The following LMCD1 variants were observed in gnomAD, a reference collection of about 807,000 sequenced individuals.
LMCD1 encodes LIM and cysteine-rich domains protein 1.
LMCD1 carries 32 observed loss-of-function variants against 42.7 expected under a neutral mutation model. That is an observed-to-expected ratio of 0.75 (90% CI 0.57 to 1.01). The LOEUF is 1.01. LMCD1 is among the 50% of genes least tolerant of loss of function. The pLI, the probability that LMCD1 is intolerant of heterozygous loss-of-function variation, is 0.00. For synonymous variants in LMCD1, 178 were observed against 184.9 expected (o/e 0.96, Z 0.30); for missense variants, 458 against 483.1 (o/e 0.95, Z 0.49).
intron 1 of LMCD1, chr3:8,515,047 A>T (rs1335260070): frequency 2.2e-6 from 1 of 456,752 alleles, no homozygotes; most frequent in East Asian, 6.9e-5. Flanking sequence ...AGTATTTGAT[A>T]AACAGTTGGA....
chr3:8,549,344 A>T (rs1694798298), intron 4 of LMCD1, among the ~76,000 whole-genome samples: 1 of 152,182 alleles, frequency 6.6e-6, no homozygotes, highest in Non-Finnish European at 1.5e-5. Context: ...TAGAAGATTA[A>T]AAGAAGTCCC....
intron 4 of LMCD1, among the ~76,000 whole-genome samples, chr3:8,557,338 A>G (rs1189399892): frequency 2.6e-5 from 4 of 152,210 alleles, no homozygotes; most frequent in Non-Finnish European, 5.9e-5. Flanking sequence ...TTATAAACAA[A>G]TTGTTGAGTA....
At position 8,574,579 on chromosome 3, in the gene LMCD1, C is replaced by G. The variant is rs1352476170; in HGVS notation, c.*6981C>G. The stretch of plus-strand genomic sequence containing the variant: ...TCATCTTGAAGTAATTATAATGCCA[C>G]TAAAATTCTCATTTGTATTAATTTT... On this transcript the variant is annotated 3_prime_UTR_variant, in exon 6 of 6. Transcript: ENST00000157600. 6.6e-6 allele frequency: 1 copy of G among 152,134 alleles called. No individual in the cohort carries two copies. The highest frequency in any genetic ancestry group is 1.5e-5 in the Non-Finnish European group (1 of 68,044). 9.4% of individuals were successfully genotyped at this position (152,134 alleles called of 1,614,324 possible).
chr3:8,511,299 T>C (rs1222358128), intron 1 of LMCD1, among the ~76,000 whole-genome samples: 2 of 152,230 alleles, frequency 1.3e-5, no homozygotes, highest in Non-Finnish European at 2.9e-5. Context: ...TCACCTTTGA[T>C]TTGGCCAACT....
intron 4 of LMCD1, among the ~76,000 whole-genome samples, chr3:8,555,914 G>A (rs1694927133): frequency 6.6e-6 from 1 of 152,036 alleles, no homozygotes; most frequent in Non-Finnish European, 1.5e-5. Context: ...AGATGACCCT[G>A]GCTGTGTTCC....
chr3:8,502,602 ACACACG>A (rs1312914605), intron 1 of LMCD1, among the ~76,000 whole-genome samples: 19 of 125,736 alleles, frequency 1.5e-4, no homozygotes, highest in South Asian at 1.2e-3. Flanking sequence ...ACACACACAC[ACACACG>A]CACGCAGTTT....
At chr3:8,511,806 A>G (rs780660411) in intron 1 of LMCD1, among the ~76,000 whole-genome samples, 4 of 152,092 alleles carry the variant, frequency 2.6e-5, no homozygotes, top group Non-Finnish European at 5.9e-5. Context: ...AGCAAAACCC[A>G]CTGGGGTGGC....
At chr3:8,541,342 GA>G (rs777238689) in intron 3 of LMCD1, among the ~76,000 whole-genome samples, 9 of 152,112 alleles carry the variant, frequency 5.9e-5, no homozygotes, top group Admixed American at 1.3e-4. Flanking sequence ...CTGAGGTCAG[GA>G]GTTTGAGACC....
intron 1 of LMCD1, among the ~76,000 whole-genome samples, chr3:8,520,795 A>T (rs1037778253): frequency 6.6e-6 from 1 of 152,204 alleles, no homozygotes; most frequent in Non-Finnish European, 1.5e-5. Flanking sequence ...AATTAAAACA[A>T]TGCCCACCCT....
At chr3:8,516,247 AC>A (rs2125013831) in intron 1 of LMCD1, among the ~76,000 whole-genome samples, 1 of 152,270 alleles carries the variant, frequency 6.6e-6, no homozygotes, top group East Asian at 1.9e-4. Context: ...GGATCACGGA[AC>A]AACAGCAGCT....
rs904617284 is a variant in LMCD1, at chr3:8,565,579, G to A, written c.871G>A (p.Asp291Asn). 2 of 1,613,562 alleles carry A rather than the reference G, an allele frequency of 1.2e-6. No homozygotes were observed. The highest frequency in any genetic ancestry group is 2.2e-5 in the East Asian group (1 of 44,858). The stretch of plus-strand genomic sequence containing the variant: ...GGTGGACCTCATCTACTTCTGGAAG[G>A]ATGGTGCACCCTGGTGCGGCCGCCA... The part of the protein sequence containing the change: ...PLVDLIYFWK[D>N]GAPWCGRHYC... The change falls in exon 5 of 6, where the codon GAT (aspartate) becomes AAT (asparagine). Residue 291 changes from aspartate to asparagine, a missense_variant. By Grantham distance (23) the Asp-to-Asn change is conservative. Transcript: ENST00000157600.
chr3:8,550,159 G>T, intron 4 of LMCD1: 1 of 1,333,860 alleles, frequency 7.5e-7, no homozygotes. Context: ...CTCATGGCTT[G>T]GTTTGTCTTA....
Position 8,572,899 on chromosome 3 carries a change from G to T in LMCD1, c.*5301G>T, listed in dbSNP as rs944725358. 2 of 152,126 alleles carry T rather than the reference G, an allele frequency of 1.3e-5. No individual in the cohort carries two copies. The highest frequency in any genetic ancestry group is 4.8e-5 in the African/African-American group (2 of 41,426). 9.4% of individuals were successfully genotyped at this position (152,126 alleles called of 1,614,324 possible). On this transcript the variant is annotated 3_prime_UTR_variant, in exon 6 of 6. Coordinates refer to ENST00000157600, the MANE Select transcript of LMCD1 (RefSeq NM_014583.4). ...GGGGTTCCTTCTTAATCTGGCTGTT[G>T]TTGTGTTGGAACTCCTGGTACCATC...
intron 1 of LMCD1, among the ~76,000 whole-genome samples, chr3:8,520,076 TA>T (rs1168641130): frequency 6.6e-6 from 1 of 152,202 alleles, no homozygotes; most frequent in Non-Finnish European, 1.5e-5. Flanking sequence ...CATTTCCTTT[TA>T]AGATACTAAG....
chr3:8,522,419 T>A (rs1442899693), intron 1 of LMCD1, among the ~76,000 whole-genome samples: 1 of 152,112 alleles, frequency 6.6e-6, no homozygotes, highest in Admixed American at 6.5e-5. Flanking sequence ...TTGGCCGGCC[T>A]TTTCCAGAAC....
chr3:8,550,431 A>G (rs2279974), intron 4 of LMCD1: 737,153 of 983,678 alleles, frequency 0.75, 277,822 homozygotes, highest in African/African-American at 0.93. Context: ...CAGCCCAAAC[A>G]AAGCTGCTGC....
At chr3:8,534,151 G>T (rs1447447571) in intron 2 of LMCD1, among the ~76,000 whole-genome samples, 3 of 151,812 alleles carry the variant, frequency 2.0e-5, no homozygotes, top group Non-Finnish European at 4.4e-5. Flanking sequence ...TTTGAAGACA[G>T]CTAGGACGTC....
chr3:8,508,573 G>A (rs920821222), intron 1 of LMCD1, among the ~76,000 whole-genome samples: 12 of 152,172 alleles, frequency 7.9e-5, no homozygotes, highest in African/African-American at 2.9e-4. Context: ...AAAGAGCTGA[G>A]CAGAATCTTG....
chr3:8,565,671 T>C (rs1196354988), intron 5 of LMCD1, 24 bp downstream of exon 5: 1 of 1,558,982 alleles, frequency 6.4e-7, no homozygotes, highest in African/African-American at 1.4e-5. Flanking sequence ...GCGAGATGGG[T>C]TAGGGGGCTT....
Sources: gnomAD v4.1 joint callset for allele counts (sites outside exome capture counted in the v4.1 genomes callset) on GRCh38, gnomAD v4.1.1 for gene constraint, MANE v1.5 for transcripts, NCBI Gene and HGNC (gene_info 2026-07-23, HGNC 2026-07-21) for gene names.